The following SLC9D1 variants were observed in gnomAD, a reference collection of about 807,000 sequenced individuals.
SLC9D1 encodes putative LAG1-interacting protein.
chr13:113,526,223 A>T, the SLC9D1 span, among the ~76,000 whole-genome samples: 8 of 152,360 alleles, frequency 5.3e-5, no homozygotes, highest in East Asian at 1.5e-3. Flanking sequence ...AAAAAGTTTA[A>T]AAAGTTAAAA....
chr13:113,537,332 C>G, the SLC9D1 span, among the ~76,000 whole-genome samples: 1 of 152,236 alleles, frequency 6.6e-6, no homozygotes, highest in Non-Finnish European at 1.5e-5. Flanking sequence ...AGTTCTCCCC[C>G]CAGCTCCTCG....
At chr13:113,491,682 G>A in the SLC9D1 span, among the ~76,000 whole-genome samples, 1 of 152,186 alleles carries the variant, frequency 6.6e-6, no homozygotes, top group Non-Finnish European at 1.5e-5. Flanking sequence ...TTCTAACCTG[G>A]AATGGAACCT....
the SLC9D1 span, among the ~76,000 whole-genome samples, chr13:113,513,821 T>C: frequency 9.2e-5 from 14 of 152,084 alleles, no homozygotes; most frequent in African/African-American, 3.4e-4. Flanking sequence ...AAGAAACTGA[T>C]CCTAAAATTC....
At chr13:113,506,806 A>G in the SLC9D1 span, among the ~76,000 whole-genome samples, 2 of 152,202 alleles carry the variant, frequency 1.3e-5, no homozygotes, top group Non-Finnish European at 2.9e-5. Flanking sequence ...TAAATAAAAA[A>G]TAATGTTGTA....
At chr13:113,519,347 C>CT in the SLC9D1 span, among the ~76,000 whole-genome samples, 1,385 of 135,984 alleles carry the variant, frequency 0.01, 25 homozygotes, top group African/African-American at 0.03. Flanking sequence ...CGCCCAGCCG[C>CT]TTTTTTTTTT....
the SLC9D1 span, among the ~76,000 whole-genome samples, chr13:113,502,248 C>T: frequency 6.6e-6 from 1 of 152,148 alleles, no homozygotes; most frequent in African/African-American, 2.4e-5. Flanking sequence ...GAGTCTCGCA[C>T]TGTCACCCGG....
At chr13:113,518,279 G>A in the SLC9D1 span, among the ~76,000 whole-genome samples, 7 of 152,098 alleles carry the variant, frequency 4.6e-5, no homozygotes, top group African/African-American at 1.7e-4. Flanking sequence ...GAAGTCCCTC[G>A]TGAGCAGTGT....
chr13:113,529,447 G>C, the SLC9D1 span: 9 of 152,130 alleles, frequency 5.9e-5, no homozygotes, highest in African/African-American at 9.7e-5. Flanking sequence ...TCAGGAGATC[G>C]AGACCATCCT....
At chr13:113,495,097 G>A in the SLC9D1 span, among the ~76,000 whole-genome samples, 1 of 152,294 alleles carries the variant, frequency 6.6e-6, no homozygotes, top group Admixed American at 6.5e-5. Flanking sequence ...CAGGTGATCT[G>A]CCTGCCTTGG....
At chr13:113,510,475 G>C in the SLC9D1 span, 15 of 1,557,020 alleles carry the variant, frequency 9.6e-6, no homozygotes, top group African/African-American at 4.1e-5. Context: ...TCGTGTGTAG[G>C]TGACTTTTGG....
At chr13:113,511,536 G>A in the SLC9D1 span, among the ~76,000 whole-genome samples, 1 of 152,190 alleles carries the variant, frequency 6.6e-6, no homozygotes, top group South Asian at 2.1e-4. Context: ...GGCTTTCTGC[G>A]GGGCCTGAGG....
chr13:113,502,251 T>C, the SLC9D1 span, among the ~76,000 whole-genome samples: 1 of 152,198 alleles, frequency 6.6e-6, no homozygotes, highest in African/African-American at 2.4e-5. Context: ...TCTCGCACTG[T>C]CACCCGGGCT....
At chr13:113,502,384 T>G in the SLC9D1 span, among the ~76,000 whole-genome samples, 1 of 152,214 alleles carries the variant, frequency 6.6e-6, no homozygotes, top group Non-Finnish European at 1.5e-5. Flanking sequence ...TGGCTAATTT[T>G]TTGTATTTTT....
chr13:113,510,165 G>A, the SLC9D1 span: 1 of 1,361,586 alleles, frequency 7.3e-7, no homozygotes, highest in Non-Finnish European at 1.0e-6. Context: ...ATGCAGAAAT[G>A]CGTGAAGTCT....
At chr13:113,538,673 C>T in the SLC9D1 span, among the ~76,000 whole-genome samples, 3 of 152,126 alleles carry the variant, frequency 2.0e-5, no homozygotes, top group African/African-American at 7.3e-5. Flanking sequence ...CATTATAAAT[C>T]GTAGTTCTTT....
At chr13:113,503,675 A>G in the SLC9D1 span, 5 of 745,944 alleles carry the variant, frequency 6.7e-6, no homozygotes, top group African/African-American at 1.8e-5. Flanking sequence ...TTGTTGATGA[A>G]TTCACTATCA....
the SLC9D1 span, among the ~76,000 whole-genome samples, chr13:113,531,373 A>G: frequency 2.0e-5 from 3 of 152,218 alleles, no homozygotes; most frequent in African/African-American, 4.8e-5. Flanking sequence ...TTGTCCAAAC[A>G]CGCTGAGACA....
At chr13:113,503,117 G>A in the SLC9D1 span, among the ~76,000 whole-genome samples, 1 of 152,202 alleles carries the variant, frequency 6.6e-6, no homozygotes, top group Non-Finnish European at 1.5e-5. Flanking sequence ...GCAAATAAAA[G>A]CAAATACAAA....
the SLC9D1 span, among the ~76,000 whole-genome samples, chr13:113,542,714 T>C: frequency 6.6e-6 from 1 of 152,158 alleles, no homozygotes; most frequent in Admixed American, 6.5e-5. Flanking sequence ...TCGGGCCACA[T>C]CCCTGGCAGC....
Sources: allele counts gnomAD v4.1 joint callset (sites outside exome capture counted in the v4.1 genomes callset), GRCh38; gene constraint gnomAD v4.1.1; transcripts MANE v1.5; gene names NCBI Gene and HGNC (gene_info 2026-07-23, HGNC 2026-07-21).